The following PROSER2 variants were observed in gnomAD, a reference collection of about 807,000 sequenced individuals.
The protein encoded by PROSER2 is proline and serine rich 2.
In PROSER2, 18 loss-of-function variants were observed where a neutral mutation model predicts 14.6. That is an observed-to-expected ratio of 1.23 (90% CI 0.85 to 1.83). The LOEUF (loss-of-function observed/expected upper bound fraction) is 1.83, where lower values mean the gene tolerates loss of function less well. Ranked by LOEUF, PROSER2 falls within the 40% of genes most tolerant of loss-of-function variation. PROSER2 has a pLI of 0.00. For synonymous variants in PROSER2, 367 were observed against 286.4 expected, an observed-to-expected ratio of 1.28 and a Z score of -2.84; for missense variants, 823 against 629.8, an observed-to-expected ratio of 1.31 and a Z score of -3.28.
chr10:11,859,683 G>A (rs933470187), intron 2 of PROSER2, among the ~76,000 whole-genome samples: 3 of 152,154 alleles, frequency 2.0e-5, no homozygotes, highest in Non-Finnish European at 2.9e-5. Flanking sequence ...CGCCTCCAAG[G>A]ACCACCAGGC....
chr10:11,851,314 G>A (rs982408003), intron 1 of PROSER2: 1 of 152,248 alleles, frequency 6.6e-6, no homozygotes, highest in African/African-American at 2.4e-5. Context: ...TGGAAGTAAA[G>A]ATGGCAACTT....
intron 1 of PROSER2, among the ~76,000 whole-genome samples, chr10:11,834,139 C>T (rs1250589348): frequency 1.3e-5 from 2 of 151,628 alleles, no homozygotes; most frequent in Admixed American, 6.6e-5. Context: ...GGATTACAGG[C>T]ACTCACCACC....
At chr10:11,867,325 T>A (rs928542807) in intron 3 of PROSER2, among the ~76,000 whole-genome samples, 4 of 151,210 alleles carry the variant, frequency 2.6e-5, no homozygotes, top group South Asian at 2.1e-4. Context: ...TACATTTTTT[T>A]AAATACACAA....
intron 1 of PROSER2, among the ~76,000 whole-genome samples, chr10:11,846,324 C>CTT (rs1160411993): frequency 3.3e-5 from 5 of 152,176 alleles, no homozygotes; most frequent in African/African-American, 1.2e-4. Context: ...CTCCTCCCCT[C>CTT]TGAGAAACTC....
chr10:11,869,902 C>G lies in PROSER2; in HGVS notation c.804C>G (p.Arg268=). The change falls in exon 4 of 4, where the codon CGC becomes CGG. Residue 268 remains arginine, a synonymous_variant. Transcript: ENST00000277570. This position sits in a 1 kb window ranked among gnomAD's most constrained non-coding sequence, Gnocchi z 4.4. Reference sequence around the variant, plus strand: ...CCAACGGCGCGGCCCGGGAGCCCCGCAGGACCCTGTCCAGGGCGGCCGTCA... The same window carrying G: ...CCAACGGCGCGGCCCGGGAGCCCCGGAGGACCCTGTCCAGGGCGGCCGTCA... ...IVTNGAAREP[R]RTLSRAAVSV... is the part of the protein sequence containing the mutation. 3 of 1,586,692 alleles carry G rather than the reference C, an allele frequency of 1.9e-6. No homozygotes were observed. The highest frequency in any genetic ancestry group is 2.6e-6 in the Non-Finnish European group (3 of 1,169,336).
In PROSER2 at chr10:11,842,604, T is replaced by TA. The variant is rs535461197; in HGVS notation, c.-81-9392dup. Among the ~76,000 whole-genome samples, 306 of 152,346 alleles carry TA rather than the reference T, an allele frequency of 2.0e-3. 1 individual carries two copies. Among genetic ancestry groups the TA allele is most frequent in the African/African-American group, 7.0e-3 (289 of 41,570 alleles). On this transcript the variant is annotated intron_variant, in intron 1 of 3. Coordinates refer to ENST00000277570, the MANE Select transcript of PROSER2 (RefSeq NM_153256.4). ...TGTAGTAGAAAACAAGACTGTTTGA[T>TA]ATACTGTTTGTTTACATTTACTCGC...
At chr10:11,849,232 A>T (rs1833976223) in intron 1 of PROSER2, among the ~76,000 whole-genome samples, 1 of 152,156 alleles carries the variant, frequency 6.6e-6, no homozygotes, top group South Asian at 2.1e-4. Flanking sequence ...TGTCTCCTTA[A>T]ATCTTAGGGC....
In PROSER2 at chr10:11,870,153, T is replaced by C. The variant is rs953773844; in HGVS notation, c.1055T>C (p.Leu352Pro). 19 of 1,455,440 alleles carry C rather than the reference T, an allele frequency of 1.3e-5. No homozygotes were observed. Among genetic ancestry groups the C allele is most frequent in the Admixed American group, 2.5e-5 (1 of 39,446 alleles). 90.2% of individuals were successfully genotyped at this position (1,455,440 alleles called of 1,614,324 possible). A position where few individuals can be genotyped will look rare whatever the true frequency, so the allele number is the denominator to read the frequency against. Reference protein sequence around the residue: ...ANGFPSAHEALKSAPSSFAPA... With the variant: ...ANGFPSAHEAPKSAPSSFAPA... ...GGCTTCCCAAGTGCGCACGAGGCCC[T>C]GAAGAGCGCACCCAGCTCCTTCGCG... Residue 352 changes from leucine (L) to proline (P), a missense_variant, in exon 4 of 4, where the codon CTG (leucine) becomes CCG (proline). Physicochemically the swap from Leu to Pro is moderately conservative, Grantham distance 98. Transcript: ENST00000277570.
chr10:11,868,338 C>T (rs943911284), intron 3 of PROSER2, among the ~76,000 whole-genome samples: 1 of 152,222 alleles, frequency 6.6e-6, no homozygotes, highest in Non-Finnish European at 1.5e-5. Context: ...TGCAATGGCA[C>T]AGTCCTGGCT....
chr10:11,843,685 C>CAA lies in PROSER2; in HGVS notation c.-81-8296_-81-8295dup, dbSNP rs369244388. Among the ~76,000 whole-genome samples the CAA allele has an allele frequency of 3.6e-3, 408 of 113,230 alleles. 4 individuals are homozygous for CAA. Among genetic ancestry groups the CAA allele is most frequent in the African/African-American group, 0.012 (386 of 31,114 alleles). The allele number at this position is 113,230 out of a possible 152,430, so 74.3% of individuals were successfully genotyped here. A position where few individuals can be genotyped will look rare whatever the true frequency, so the allele number is the denominator to read the frequency against. On this transcript the variant is annotated intron_variant, in intron 1 of 3. Transcript: ENST00000277570. ...TGGACGACAGAGCGAGACTCTGTCT[C>CAA]AAAAAAAAAAAAAAAAATTAGCCCA... is the stretch of plus-strand genomic sequence containing the variant.
chr10:11,841,361 A>G (rs1391197574), intron 1 of PROSER2, among the ~76,000 whole-genome samples: 1 of 151,922 alleles, frequency 6.6e-6, no homozygotes, highest in Non-Finnish European at 1.5e-5. Context: ...AAGTTTGTCA[A>G]TTTTATTAAT....
In PROSER2 at chr10:11,871,176, T is replaced by C. The variant is rs1308144999; in HGVS notation, c.*770T>C. ...TATCCTGTGTGTCCACATGCATCAT[T>C]ATTATATAAATAGAAACTTCTGAAC... On this transcript the variant is annotated 3_prime_UTR_variant, in exon 4 of 4. Transcript: ENST00000277570. The C allele has an allele frequency of 2.0e-5, 3 of 152,224 alleles. No individual in the cohort carries two copies. The highest frequency in any genetic ancestry group is 2.4e-5 in the African/African-American group (1 of 41,456). 9.4% of individuals were successfully genotyped at this position (152,224 alleles called of 1,614,324 possible).
chr10:11,852,187 G>GAAGCAT lies in PROSER2; in HGVS notation c.110_111insAAGCAT (p.Ser37delinsArgSerIle). 1 of 1,612,370 alleles carries GAAGCAT rather than the reference G, an allele frequency of 6.2e-7. No individual in the cohort carries two copies. Among genetic ancestry groups the GAAGCAT allele is most frequent in the Non-Finnish European group, 8.5e-7 (1 of 1,179,256 alleles). Reference sequence around the variant, plus strand: ...GGCGGCAGCCTGGAGAGTCGAAGCAGCAGCTCTCGCTCCAGAAGCTTCACT... The same window carrying GAAGCAT: ...GGCGGCAGCCTGGAGAGTCGAAGCAGAAGCATCAGCTCTCGCTCCAGAAGCTTCACT... On this transcript the variant is annotated protein_altering_variant, in exon 2 of 4. Transcript: ENST00000277570.
intron 1 of PROSER2, among the ~76,000 whole-genome samples, chr10:11,847,427 T>G (rs889372502): frequency 6.6e-6 from 1 of 152,164 alleles, no homozygotes; most frequent in Admixed American, 6.5e-5. Context: ...TTGTTGTTGT[T>G]GTTGTTTTGA....
chr10:11,852,278 C>G, intron 2 of PROSER2, 63 bp downstream of exon 2: 1 of 1,513,758 alleles, frequency 6.6e-7, no homozygotes, highest in Non-Finnish European at 8.9e-7. Context: ...GCCTCAATCC[C>G]TCTCCCTTGA....
intron 1 of PROSER2, among the ~76,000 whole-genome samples, chr10:11,829,909 T>A (rs1392929682): frequency 7.0e-6 from 1 of 143,248 alleles, no homozygotes; most frequent in Non-Finnish European, 1.5e-5. Context: ...AGTGGCAAGA[T>A]CTTGGCTCAC....
At chr10:11,852,963 G>T (rs1360067581) in intron 2 of PROSER2, among the ~76,000 whole-genome samples, 1 of 152,146 alleles carries the variant, frequency 6.6e-6, no homozygotes, top group Admixed American at 6.6e-5. Flanking sequence ...TACAAAAAGA[G>T]TTGGTGAAGT....
intron 2 of PROSER2, among the ~76,000 whole-genome samples, chr10:11,857,950 C>A (rs367907096): frequency 1.3e-5 from 2 of 151,950 alleles, no homozygotes; most frequent in Admixed American, 6.6e-5. Context: ...TTTTTCCCCC[C>A]CAAGATGGAG....
In PROSER2 at chr10:11,870,398, A is replaced by C. The variant is rs1293350740; in HGVS notation, c.1300A>C (p.Ser434Arg). ...GCGGAAGCTGGGGCTGCTCAGGGAG[A>C]GTTCGTGAGGGCCGCGCGGGCTCCA... is the stretch of plus-strand genomic sequence containing the variant. ...ALRKLGLLRE[S>R]S The change falls in exon 4 of 4, where the codon AGT becomes CGT. Residue 434 changes from serine to arginine, a missense_variant. Physicochemically the swap from Ser to Arg is moderately radical, Grantham distance 110. Transcript: ENST00000277570. 6.7e-7 allele frequency: 1 copy of C among 1,498,054 alleles called. No individual in the cohort carries two copies. Among genetic ancestry groups the C allele is most frequent in the African/African-American group, 1.5e-5 (1 of 68,194 alleles). The allele number at this position is 1,498,054 out of a possible 1,614,324, so 92.8% of individuals were successfully genotyped here.
Sources: gnomAD v4.1 joint callset for allele counts (sites outside exome capture counted in the v4.1 genomes callset) on GRCh38, gnomAD v4.1.1 for gene constraint, Gnocchi (gnomAD v3.1) non-coding constraint, MANE v1.5 for transcripts, NCBI Gene and HGNC (gene_info 2026-07-23, HGNC 2026-07-21) for gene names.